Variants in ZNF543 observed in about 807,000 individuals in gnomAD.
The protein encoded by ZNF543 is zinc finger protein 543.
A neutral mutation model predicts 13.4 loss-of-function variants in ZNF543; 10 were observed. That is an observed-to-expected ratio of 0.75 (90% CI 0.46 to 1.26). The LOEUF is 1.26. Ranked by LOEUF, ZNF543 falls within the 50% of genes most tolerant of loss-of-function variation. The pLI is 0.00. For synonymous variants in ZNF543, 272 were observed against 264.7 expected, an observed-to-expected ratio of 1.03 and a Z score of -0.27; for missense variants, 768 against 741.2, an observed-to-expected ratio of 1.04 and a Z score of -0.42.
In ZNF543 at chr19:57,328,568, G is replaced by C. The variant is rs753255816; in HGVS notation, c.1106G>C (p.Cys369Ser). The C allele has an allele frequency of 3.1e-6, 5 of 1,613,652 alleles. No individual in the cohort carries two copies. In the South Asian group the frequency reaches 5.5e-5, roughly 18 times the overall value. The part of the protein sequence containing the change: ...QIHTGVKPFE[C>S]NECGKAFCES... Reference sequence around the variant, plus strand: ...CACACTGGAGTGAAACCCTTTGAATGCAACGAGTGTGGAAAAGCTTTTTGC... The same window carrying C: ...CACACTGGAGTGAAACCCTTTGAATCCAACGAGTGTGGAAAAGCTTTTTGC... Residue 369 changes from cysteine to serine, a missense_variant, in exon 4 of 4, where the codon TGC (cysteine) becomes TCC (serine). Cys to Ser is a moderately radical substitution (Grantham distance 112). Coordinates refer to ENST00000321545, the MANE Select transcript of ZNF543 (RefSeq NM_213598.4).
At position 57,329,337 on chromosome 19, in the gene ZNF543, G is replaced by T. The variant is rs1021927844; in HGVS notation, c.*72G>T. ...ATAAGCATCCTCTCTTTGAGAAAACGTGTAATAGATGATCATTTGTCGTCT... is the reference window on the plus strand; with the variant it reads ...ATAAGCATCCTCTCTTTGAGAAAACTTGTAATAGATGATCATTTGTCGTCT... On this transcript the variant is annotated 3_prime_UTR_variant, in exon 4 of 4. Coordinates refer to ENST00000321545, the MANE Select transcript of ZNF543 (RefSeq NM_213598.4). 1.3e-6 allele frequency: 2 copies of T among 1,505,918 alleles called. No homozygotes were observed. The highest frequency in any genetic ancestry group is 2.8e-5 in the African/African-American group (2 of 71,752). The allele number at this position is 1,505,918 out of a possible 1,614,324, so 93.3% of individuals were successfully genotyped here. A position where few individuals can be genotyped will look rare whatever the true frequency, so the allele number is the denominator to read the frequency against.
Position 57,328,192 on chromosome 19 carries a change from C to T in ZNF543, c.730C>T (p.Gln244Ter). The T allele has an allele frequency of 6.2e-7, 1 of 1,613,352 alleles. No individual in the cohort carries two copies. The highest frequency in any genetic ancestry group is 8.5e-7 in the Non-Finnish European group (1 of 1,179,370). ...CTTTAGCAAGAGCACTCATCTTCTTCAGCACCTCATCATCCACACTGGGGA... is the reference window on the plus strand; with the variant it reads ...CTTTAGCAAGAGCACTCATCTTCTTTAGCACCTCATCATCCACACTGGGGA... ...KTFSKSTHLL[Q>*]HLIIHTGEKP... is the part of the protein sequence containing the mutation. Residue 244 changes from glutamine to a stop codon, truncating the protein, a stop_gained, in exon 4 of 4, where the codon CAG (glutamine) becomes TAG (stop). Coordinates refer to ENST00000321545, the MANE Select transcript of ZNF543 (RefSeq NM_213598.4). LOFTEE classifies it low-confidence loss of function (END_TRUNC).
chr19:57,325,983 G>C (rs1208795806), intron 2 of ZNF543, among the ~76,000 whole-genome samples: 3 of 152,186 alleles, frequency 2.0e-5, no homozygotes, highest in African/African-American at 7.2e-5. Flanking sequence ...GCCTACCTCA[G>C]AGTACAGTTG....
Position 57,328,125 on chromosome 19 carries a change from C to A in ZNF543, c.663C>A (p.His221Gln). 1 of 1,614,244 alleles carries A rather than the reference C, an allele frequency of 6.2e-7. No individual in the cohort carries two copies. The highest frequency in any genetic ancestry group is 8.5e-7 in the Non-Finnish European group (1 of 1,180,026). Residue 221 changes from histidine (H) to glutamine (Q), a missense_variant, in exon 4 of 4, where the codon CAC becomes CAA. Physicochemically the swap from His to Gln is conservative, Grantham distance 24 (BLOSUM62 0). Coordinates refer to ENST00000321545, the MANE Select transcript of ZNF543 (RefSeq NM_213598.4). The part of the protein sequence containing the change: ...NALLVQHERI[H>Q]TQVKPYECTE... ...TCCTTGTTCAGCATGAACGGATTCA[C>A]ACTCAAGTGAAGCCCTATGAATGCA...
At chr19:57,326,493 G>A in intron 2 of ZNF543, 140 bp from the exon 3 acceptor site, 1 of 622,924 alleles carries the variant, frequency 1.6e-6, no homozygotes, top group Non-Finnish European at 2.8e-6. Flanking sequence ...TTGTTTTATG[G>A]TCACGGTTCA....
At chr19:57,327,031 TG>T (rs34600100) in intron 3 of ZNF543, among the ~76,000 whole-genome samples, 40,212 of 151,600 alleles carry the variant, frequency 0.27, 5,675 homozygotes, top group African/African-American at 0.31. Context: ...CATGCCTGGC[TG>T]AGTTTTTAAA....
At chr19:57,324,221 G>T (rs1052651583) in intron 2 of ZNF543, among the ~76,000 whole-genome samples, 2 of 152,012 alleles carry the variant, frequency 1.3e-5, no homozygotes, top group African/African-American at 4.8e-5. Flanking sequence ...TGTGATGGCG[G>T]GTGCCTGTAA....
At chr19:57,325,778 C>G (rs1482553914) in intron 2 of ZNF543, among the ~76,000 whole-genome samples, 3 of 152,074 alleles carry the variant, frequency 2.0e-5, no homozygotes. Context: ...CTCAGACTCC[C>G]AAAGCGTTGG....
In ZNF543 at chr19:57,327,812, A is replaced by C. The variant is rs776274544; in HGVS notation, c.350A>C (p.Gln117Pro). 2 of 1,614,156 alleles carry C rather than the reference A, an allele frequency of 1.2e-6. No individual in the cohort carries two copies. Among genetic ancestry groups the C allele is most frequent in the East Asian group, 2.2e-5 (1 of 44,844 alleles). Residue 117 changes from glutamine (Q) to proline (P), a missense_variant, in exon 4 of 4, where the codon CAA (glutamine) becomes CCA (proline). Gln to Pro is a moderately conservative substitution (Grantham distance 76). This residue lies in a region of ZNF543 where 677 missense variants were observed against 631.4 expected (regional missense o/e 1.07). Transcript: ENST00000321545. ...QLTQGASKNS[Q>P]LGQSKDQDGP... ...ACACAAGGAGCCTCAAAGAACTCCC[A>C]ATTAGGGCAATCCAAGGATCAGGAT... is the stretch of plus-strand genomic sequence containing the variant.
rs763041436 is a variant in ZNF543 at position 57,329,366 on chromosome 19, CA to C, written c.*103del. The C allele has an allele frequency of 6.8e-6, 10 of 1,463,326 alleles. No individual in the cohort carries two copies. The highest frequency in any genetic ancestry group is 9.1e-6 in the Non-Finnish European group (10 of 1,100,352). 90.6% of individuals were successfully genotyped at this position (1,463,326 alleles called of 1,614,324 possible). ...AATAGATGATCATTTGTCGTCTAAA[CA>C]ATCAAGTTAGAAATTGAACCAGCCT... On this transcript the variant is annotated 3_prime_UTR_variant, in exon 4 of 4. Coordinates refer to ENST00000321545, the MANE Select transcript of ZNF543 (RefSeq NM_213598.4).
chr19:57,324,121 G>A (rs1433556499), intron 2 of ZNF543, among the ~76,000 whole-genome samples: 3 of 152,106 alleles, frequency 2.0e-5, no homozygotes, highest in South Asian at 2.1e-4. Context: ...GGAGGCCGAC[G>A]CGGACAAATC....
rs765759902 is a variant in ZNF543 at position 57,320,865 on chromosome 19, G to T, written c.12G>T (p.Ser4=). Residue 4 remains serine, a synonymous_variant, in exon 1 of 4, where the codon TCG becomes TCT. Transcript: ENST00000321545. Reference sequence around the variant, plus strand: ...TGCAGGGTCTCAGGATGGCAGCCTCGGCGCAGGTGAGTGGACGAGGTTTTG... The same window carrying T: ...TGCAGGGTCTCAGGATGGCAGCCTCTGCGCAGGTGAGTGGACGAGGTTTTG... The part of the protein sequence containing the change: MAA[S]AQVSVTFEDV... The T allele has an allele frequency of 1.2e-6, 2 of 1,614,020 alleles. No individual in the cohort carries two copies. The highest frequency in any genetic ancestry group is 1.7e-6 in the Non-Finnish European group (2 of 1,179,974).
At position 57,320,894 on chromosome 19, in the gene ZNF543, T is replaced by A. The variant is rs756315169; in HGVS notation, c.18+23T>A. The A allele has an allele frequency of 6.8e-6, 11 of 1,613,986 alleles. No individual in the cohort carries two copies. In the South Asian group the frequency reaches 1.2e-4, roughly 18 times the overall value. On this transcript the variant is annotated intron_variant, in intron 1 of 3. Transcript: ENST00000321545. ...CAGGTGAGTGGACGAGGTTTTGGCCTTGCTGCTGCTCTGCTACTTCTGGAG... is the reference window on the plus strand; with the variant it reads ...CAGGTGAGTGGACGAGGTTTTGGCCATGCTGCTGCTCTGCTACTTCTGGAG...
In ZNF543 at chr19:57,329,242, A is replaced by G; in HGVS notation, c.1780A>G (p.Thr594Ala). The change falls in exon 4 of 4, where the codon ACC (threonine) becomes GCC (alanine). Residue 594 changes from threonine (T) to alanine (A), a missense_variant. Transcript: ENST00000321545. The stretch of plus-strand genomic sequence containing the variant: ...ATTAGGGAAAGAGTTTTTGAATATC[A>G]CCACTGAAGAAAATCTGTGGTGAAA... ...LLLGKEFLNITTEENLW is the reference protein window; with the variant it reads ...LLLGKEFLNIATEENLW 6.2e-7 allele frequency: 1 copy of G among 1,604,802 alleles called. No homozygotes were observed. Among genetic ancestry groups the G allele is most frequent in the Non-Finnish European group, 8.5e-7 (1 of 1,174,472 alleles).
intron 1 of ZNF543, 160 bp from the exon 2 acceptor site, chr19:57,323,522 C>A: frequency 2.1e-6 from 2 of 952,056 alleles, no homozygotes; most frequent in Non-Finnish European, 3.3e-6. Context: ...AAGGCAATGT[C>A]CACATTCCCC....
rs749936822 is a variant in ZNF543 at position 57,328,489 on chromosome 19, G to A, written c.1027G>A (p.Glu343Lys). 1 of 1,614,218 alleles carries A rather than the reference G, an allele frequency of 6.2e-7. No homozygotes were observed. Among genetic ancestry groups the A allele is most frequent in the Non-Finnish European group, 8.5e-7 (1 of 1,180,044 alleles). The change falls in exon 4 of 4, where the codon GAG becomes AAG. Residue 343 changes from glutamate to lysine, a missense_variant. Glu to Lys is a moderately conservative substitution (Grantham distance 56). Transcript: ENST00000321545. ...HTGEKPYECI[E>K]CGKAFNRRSY... ...GGGAGAGAAGCCCTATGAGTGCATT[G>A]AGTGTGGGAAGGCCTTCAACCGCCG...
At position 57,323,749 on chromosome 19, in the gene ZNF543, C is replaced by T; in HGVS notation, c.86C>T (p.Ala29Val). The T allele has an allele frequency of 6.2e-7, 1 of 1,613,682 alleles. No homozygotes were observed. Among genetic ancestry groups the T allele is most frequent in the Non-Finnish European group, 8.5e-7 (1 of 1,179,722 alleles). Reference protein sequence around the residue: ...TQEEWGQLDAAQRTLYQEVML... With the variant: ...TQEEWGQLDAVQRTLYQEVML... ...GAGGAGTGGGGACAGTTGGATGCAG[C>T]CCAGAGAACCTTGTATCAGGAGGTG... Residue 29 changes from alanine to valine, a missense_variant, in exon 2 of 4, where the codon GCC becomes GTC. Transcript: ENST00000321545.
At chr19:57,326,853 G>C (rs1472407522) in intron 3 of ZNF543, 125 bp downstream of exon 3, 11 of 597,346 alleles carry the variant, frequency 1.8e-5, no homozygotes, top group African/African-American at 1.6e-4. Flanking sequence ...GATCCATGGA[G>C]CCTCTCCCCG....
At position 57,329,289 on chromosome 19, in the gene ZNF543, C is replaced by G; in HGVS notation, c.*24C>G. Reference sequence around the variant, plus strand: ...GAAAGGGAACATCTTACCATCTGGCCATTCACACTGAAGAGAAACTTCATA... The same window carrying G: ...GAAAGGGAACATCTTACCATCTGGCGATTCACACTGAAGAGAAACTTCATA... On this transcript the variant is annotated 3_prime_UTR_variant, in exon 4 of 4. Transcript: ENST00000321545. 1 of 1,566,142 alleles carries G rather than the reference C, an allele frequency of 6.4e-7. No homozygotes were observed. Among genetic ancestry groups the G allele is most frequent in the East Asian group, 2.2e-5 (1 of 44,458 alleles).
Sources: gnomAD v4.1 joint callset for allele counts (sites outside exome capture counted in the v4.1 genomes callset) on GRCh38, gnomAD v4.1.1 for gene constraint, gnomAD v4.1.1 regional missense constraint, MANE v1.5 for transcripts, NCBI Gene and HGNC (gene_info 2026-07-23, HGNC 2026-07-21) for gene names.